Variants in LAMB4 observed in about 807,000 individuals in gnomAD.
LAMB4 encodes the protein laminin subunit beta-4.
In LAMB4, 196 loss-of-function variants were observed where a neutral mutation model predicts 199.2. The ratio of observed to expected loss-of-function variants is 0.98; its 90% CI spans 0.88 to 1.11. The LOEUF is 1.11. LAMB4 is among the 50% of genes least tolerant of loss of function. The probability of loss-of-function intolerance (pLI) is 0.00; values close to 1 mark genes in which losing one functional copy is unlikely to be tolerated. For missense variants in LAMB4, 2,080 were observed against 2,171.2 expected (o/e 0.96, Z 0.83); for synonymous variants, 744 against 770.6 (o/e 0.97, Z 0.57).
chr7:108,083,444 G>A (rs1020177359), intron 14 of LAMB4, among the ~76,000 whole-genome samples: 10 of 152,162 alleles, frequency 6.6e-5, no homozygotes, highest in African/African-American at 2.4e-4. Flanking sequence ...TTTTCTGAGG[G>A]CCGATTCACC....
At chr7:108,086,259 A>G (rs1263536887) in intron 14 of LAMB4, among the ~76,000 whole-genome samples, 1 of 152,038 alleles carries the variant, frequency 6.6e-6, no homozygotes, top group Non-Finnish European at 1.5e-5. Context: ...ATGAGACCCA[A>G]AGCTAAACTT....
At chr7:108,087,126 C>T (rs773745169) in intron 14 of LAMB4, among the ~76,000 whole-genome samples, 1 of 152,158 alleles carries the variant, frequency 6.6e-6, no homozygotes, top group Non-Finnish European at 1.5e-5. Context: ...GCAATGTCCA[C>T]GAAGCCTTCT....
intron 32 of LAMB4, 120 bp downstream of exon 32, chr7:108,030,686 T>G: frequency 1.1e-6 from 1 of 910,318 alleles, no homozygotes; most frequent in East Asian, 2.4e-5. Flanking sequence ...GATATACCAT[T>G]GAGTCATGGA....
At chr7:108,062,567 T>C (rs2036199376) in intron 23 of LAMB4, 1 of 360,590 alleles carries the variant, frequency 2.8e-6, no homozygotes, top group Non-Finnish European at 4.9e-6. Flanking sequence ...AAAACTGAAG[T>C]AGGCGAAGCT....
At chr7:108,083,680 T>C (rs1017436168) in intron 14 of LAMB4, among the ~76,000 whole-genome samples, 3 of 152,224 alleles carry the variant, frequency 2.0e-5, no homozygotes, top group African/African-American at 7.2e-5. Flanking sequence ...CAGCGTTCTT[T>C]GGGAAGTTAT....
In LAMB4 at chr7:108,024,030, TA is replaced by T. The variant is rs2034750437; in HGVS notation, c.*8del. ...AACAAAGGCACAAGCTTTTGCTCTT[TA>T]ACTCTGCCTAGCTATAGCACCTAGC... On this transcript the variant is annotated 3_prime_UTR_variant, in exon 34 of 34. Coordinates refer to ENST00000388781, the MANE Select transcript of LAMB4 (RefSeq NM_007356.3). 1 of 1,596,184 alleles carries T rather than the reference TA, an allele frequency of 6.3e-7. No individual in the cohort carries two copies. Among genetic ancestry groups the T allele is most frequent in the African/African-American group, 1.4e-5 (1 of 73,744 alleles).
chr7:108,011,712 CT>C, the LAMB4 span, among the ~76,000 whole-genome samples: 43,855 of 151,962 alleles, frequency 0.29, 6,881 homozygotes, highest in African/African-American at 0.43. Flanking sequence ...AGCCACTGCA[CT>C]CGGCCCACTC....
At chr7:108,032,914 A>G (rs926927976) in intron 31 of LAMB4, among the ~76,000 whole-genome samples, 3 of 152,130 alleles carry the variant, frequency 2.0e-5, no homozygotes, top group Admixed American at 2.0e-4. Flanking sequence ...TTAGTGCTTG[A>G]TTACCTCTAA....
intron 14 of LAMB4, among the ~76,000 whole-genome samples, chr7:108,085,187 T>G (rs1016947930): frequency 8.5e-4 from 129 of 152,276 alleles, no homozygotes; most frequent in African/African-American, 3.0e-3. Flanking sequence ...GAAGGTAGAG[T>G]GTTGGTTGAA....
Position 108,062,924 on chromosome 7 carries a change from G to C in LAMB4, c.3132C>G (p.Asp1044Glu), listed in dbSNP as rs969461014. The C allele has an allele frequency of 1.2e-6, 2 of 1,608,602 alleles. No individual in the cohort carries two copies. Among genetic ancestry groups the C allele is most frequent in the Non-Finnish European group, 1.7e-6 (2 of 1,177,796 alleles). The part of the protein sequence containing the change: ...CPPGGGACLC[D>E]PVTGACPCLP... ...GACAAGGACATGCACCAGTGACAGGGTCACAGAGGCAAGCTCCCCCACCAG... is the reference window on the plus strand; with the variant it reads ...GACAAGGACATGCACCAGTGACAGGCTCACAGAGGCAAGCTCCCCCACCAG... The change falls in exon 23 of 34, where the codon GAC (aspartate) becomes GAG (glutamate). Residue 1044 changes from aspartate (D) to glutamate (E), a missense_variant. By Grantham distance (45) the Asp-to-Glu change is conservative. Transcript: ENST00000388781.
intron 29 of LAMB4, among the ~76,000 whole-genome samples, chr7:108,040,548 G>A (rs2035387279): frequency 6.6e-6 from 1 of 152,144 alleles, no homozygotes; most frequent in South Asian, 2.1e-4. Flanking sequence ...CATGGTGCTA[G>A]TACAAAAAAC....
At chr7:108,084,064 G>A (rs1288748545) in intron 14 of LAMB4, among the ~76,000 whole-genome samples, 2 of 152,226 alleles carry the variant, frequency 1.3e-5, no homozygotes, top group Admixed American at 6.5e-5. Flanking sequence ...CCATACATGT[G>A]GTCTGATAAG....
At chr7:108,086,557 G>A (rs928727722) in intron 14 of LAMB4, among the ~76,000 whole-genome samples, 4 of 152,048 alleles carry the variant, frequency 2.6e-5, no homozygotes, top group African/African-American at 9.7e-5. Context: ...CTTATTAACT[G>A]GCATGGCCCG....
chr7:108,107,659 G>T lies in LAMB4; in HGVS notation c.563C>A (p.Ser188Ter). The change falls in exon 6 of 34, where the codon TCG becomes TAG. Residue 188 changes from serine to a stop codon, truncating the protein, a stop_gained. Coordinates refer to ENST00000388781, the MANE Select transcript of LAMB4 (RefSeq NM_007356.3). LOFTEE classifies it high-confidence loss of function. ...VGDIVCDSKY[S>*]DIEPSTGGEV... Reference sequence around the variant, plus strand: ...TCCACCTGTTGAGGGTTCAATATCCGAGTATTTGGAGTCACAAACAATGTC... The same window carrying T: ...TCCACCTGTTGAGGGTTCAATATCCTAGTATTTGGAGTCACAAACAATGTC... 6.2e-7 allele frequency: 1 copy of T among 1,610,630 alleles called. No individual in the cohort carries two copies. The highest frequency in any genetic ancestry group is 8.5e-7 in the Non-Finnish European group (1 of 1,178,998).
Position 108,063,114 on chromosome 7 carries a change from C to A in LAMB4, c.3062-120G>T. 5.2e-6 allele frequency: 3 copies of A among 578,664 alleles called. No individual in the cohort carries two copies. In the South Asian group the frequency reaches 8.2e-5, roughly 16 times the overall value. 35.8% of individuals were successfully genotyped at this position (578,664 alleles called of 1,614,324 possible). A position where few individuals can be genotyped will look rare whatever the true frequency, so the allele number is the denominator to read the frequency against. On this transcript the variant is annotated intron_variant, in intron 22 of 33. Coordinates refer to ENST00000388781, the MANE Select transcript of LAMB4 (RefSeq NM_007356.3). ...TTCTCCAAGGGGCTCAAAGAATGAA[C>A]GCCTTATAATAGTAAAGAATTTACC...
chr7:108,027,923 C>T (rs1354550030), intron 33 of LAMB4, among the ~76,000 whole-genome samples: 1 of 152,136 alleles, frequency 6.6e-6, no homozygotes, highest in African/African-American at 2.4e-5. Flanking sequence ...GCTGGGATTA[C>T]AGGCATGTGC....
intron 5 of LAMB4, among the ~76,000 whole-genome samples, chr7:108,108,369 G>A (rs909152309): frequency 2.6e-5 from 4 of 152,142 alleles, no homozygotes; most frequent in Non-Finnish European, 5.9e-5. Context: ...GAAGAAAGAT[G>A]GCTTATAAAT....
rs1332601106 is a variant in LAMB4 at position 108,109,209 on chromosome 7, C to T, written c.364G>A (p.Ala122Thr). The change falls in exon 5 of 34, where the codon GCA becomes ACA. Residue 122 changes from alanine (A) to threonine (T), a missense_variant. By Grantham distance (58) the Ala-to-Thr change is moderately conservative. Coordinates refer to ENST00000388781, the MANE Select transcript of LAMB4 (RefSeq NM_007356.3). ...ATAAGGTGGCTGAACCGAAATAATG[C>T]CTCTAAGTCCAGTCTGATGCTGACA... ...DHVSIRLDLE[A>T]LFRFSHLILT... The T allele has an allele frequency of 4.3e-6, 7 of 1,613,454 alleles. No homozygotes were observed. In the Admixed American group the frequency reaches 8.3e-5, roughly 19 times the overall value.
At chr7:108,040,862 T>A (rs572223555) in intron 29 of LAMB4, among the ~76,000 whole-genome samples, 18 of 152,272 alleles carry the variant, frequency 1.2e-4, no homozygotes, top group Non-Finnish European at 1.6e-4. Flanking sequence ...AAAGATTTCA[T>A]GATAAAGACA....
Sources: allele counts gnomAD v4.1 joint callset (sites outside exome capture counted in the v4.1 genomes callset), GRCh38; gene constraint gnomAD v4.1.1; transcripts MANE v1.5; gene names NCBI Gene and HGNC (gene_info 2026-07-23, HGNC 2026-07-21).